The following AFG2A variants were observed in gnomAD, a reference collection of about 807,000 sequenced individuals.
The protein encoded by AFG2A is AAA ATPase AFG2A.
the AFG2A span, among the ~76,000 whole-genome samples, chr4:123,181,206 G>T: frequency 6.6e-6 from 1 of 151,786 alleles, no homozygotes; most frequent in African/African-American, 2.4e-5. Flanking sequence ...GGATGGTCTC[G>T]ATCTCCTGAC....
chr4:123,051,491 TATTTTCTTTTTACTAAAG>T, the AFG2A span, among the ~76,000 whole-genome samples: 3 of 152,032 alleles, frequency 2.0e-5, no homozygotes, highest in African/African-American at 7.2e-5. Flanking sequence ...AATTGTTTTG[TATTTTCTTTTTACTAAAG>T]ATATAAGTGA....
chr4:123,050,725 G>A, the AFG2A span, among the ~76,000 whole-genome samples: 1 of 149,582 alleles, frequency 6.7e-6, no homozygotes, highest in East Asian at 1.9e-4. Flanking sequence ...CTTCTAGGCA[G>A]CATATAGTTG....
the AFG2A span, among the ~76,000 whole-genome samples, chr4:122,998,707 A>G: frequency 6.6e-6 from 1 of 152,136 alleles, no homozygotes; most frequent in Admixed American, 6.5e-5. Flanking sequence ...AATCCTGTCT[A>G]TCATTGTTGG....
chr4:123,103,493 G>A, the AFG2A span, among the ~76,000 whole-genome samples: 23 of 152,002 alleles, frequency 1.5e-4, no homozygotes, highest in East Asian at 7.7e-4. Context: ...TTAGAAGTAC[G>A]GTGTGTGTTT....
the AFG2A span, among the ~76,000 whole-genome samples, chr4:123,264,626 A>G: frequency 2.0e-5 from 3 of 152,208 alleles, no homozygotes; most frequent in Non-Finnish European, 4.4e-5. Flanking sequence ...GTAGATATTT[A>G]GGACTGTAAC....
chr4:123,233,186 T>C, the AFG2A span, among the ~76,000 whole-genome samples: 2 of 150,412 alleles, frequency 1.3e-5, no homozygotes, highest in African/African-American at 5.0e-5. Context: ...AATAGACTTG[T>C]CGTTAAAGTT....
the AFG2A span, among the ~76,000 whole-genome samples, chr4:123,305,003 G>A: frequency 9.8e-4 from 149 of 152,234 alleles, no homozygotes; most frequent in African/African-American, 3.3e-3. Context: ...GTTTTCCTAT[G>A]AACTTTTAAG....
chr4:123,155,741 G>A, the AFG2A span, among the ~76,000 whole-genome samples: 3 of 152,152 alleles, frequency 2.0e-5, no homozygotes, highest in African/African-American at 4.8e-5. Flanking sequence ...TTTTATATAA[G>A]AGACTTGAAC....
chr4:122,992,551 T>C, the AFG2A span, among the ~76,000 whole-genome samples: 1 of 152,210 alleles, frequency 6.6e-6, no homozygotes, highest in African/African-American at 2.4e-5. Flanking sequence ...AAAACCTGTT[T>C]CAAATGGCTA....
At chr4:122,923,376 T>C in the AFG2A span, 1 of 1,584,294 alleles carries the variant, frequency 6.3e-7, no homozygotes, top group African/African-American at 1.4e-5. Context: ...TCAGTGATAC[T>C]GACTTGGGGT....
At chr4:123,079,282 T>A in the AFG2A span, among the ~76,000 whole-genome samples, 1 of 152,238 alleles carries the variant, frequency 6.6e-6, no homozygotes, top group South Asian at 2.1e-4. Context: ...CTTACTTAGC[T>A]ATTTTTTTAC....
chr4:123,160,112 T>C, the AFG2A span, among the ~76,000 whole-genome samples: 1 of 152,058 alleles, frequency 6.6e-6, no homozygotes, highest in East Asian at 1.9e-4. Context: ...TTTTACCAAG[T>C]TGTGCTACTT....
chr4:122,924,619 C>T, the AFG2A span, among the ~76,000 whole-genome samples: 2 of 152,170 alleles, frequency 1.3e-5, no homozygotes, highest in Non-Finnish European at 2.9e-5. Flanking sequence ...TAGTCCAAAA[C>T]CTTTTTTTTC....
the AFG2A span, among the ~76,000 whole-genome samples, chr4:123,287,071 C>T: frequency 6.6e-6 from 1 of 152,066 alleles, no homozygotes; most frequent in African/African-American, 2.4e-5. Flanking sequence ...CGGCAGGCCC[C>T]TAGAGAGTGG....
At chr4:123,027,101 T>C in the AFG2A span, among the ~76,000 whole-genome samples, 1 of 152,170 alleles carries the variant, frequency 6.6e-6, no homozygotes, top group Non-Finnish European at 1.5e-5. Context: ...TCTGCATGTG[T>C]TTACTCTAGC....
chr4:123,311,779 C>T, the AFG2A span, among the ~76,000 whole-genome samples: 10 of 150,710 alleles, frequency 6.6e-5, no homozygotes, highest in African/African-American at 2.5e-4. Flanking sequence ...TTTCCCACTA[C>T]CTACATTTAT....
At chr4:123,103,781 A>G in the AFG2A span, among the ~76,000 whole-genome samples, 2 of 152,156 alleles carry the variant, frequency 1.3e-5, no homozygotes, top group African/African-American at 4.8e-5. Flanking sequence ...ATAAGTTGCA[A>G]CATGTCCATA....
the AFG2A span, among the ~76,000 whole-genome samples, chr4:123,151,148 A>T: frequency 2.0e-5 from 3 of 152,220 alleles, no homozygotes; most frequent in South Asian, 6.2e-4. Context: ...TAAACATAAG[A>T]CCTAAAACCA....
At chr4:123,157,116 A>G in the AFG2A span, among the ~76,000 whole-genome samples, 2 of 151,958 alleles carry the variant, frequency 1.3e-5, no homozygotes, top group African/African-American at 4.8e-5. Context: ...CCCAGGTTCA[A>G]GCAATTCTCC....
Sources: allele counts gnomAD v4.1 joint callset (sites outside exome capture counted in the v4.1 genomes callset), GRCh38; gene constraint gnomAD v4.1.1; transcripts MANE v1.5; gene names NCBI Gene and HGNC (gene_info 2026-07-23, HGNC 2026-07-21).